CSMD3: variants seen among roughly 807,000 people sequenced by gnomAD.
CSMD3 encodes the protein CUB and Sushi multiple domains 3.
Under a neutral mutation model 435.2 loss-of-function variants are expected in CSMD3, and 177 were observed. The observed-to-expected ratio is 0.41, with a 90% confidence interval of 0.36 to 0.46. CSMD3 has a LOEUF of 0.46. Among genes scored for constraint, CSMD3 ranks in the 20% least tolerant of loss-of-function variants. CSMD3 has a pLI of 0.34. For missense variants in CSMD3, 4,265 were observed against 4,504.6 expected, an observed-to-expected ratio of 0.95 and a Z score of 1.52; for synonymous variants, 1,656 against 1,520.5, an observed-to-expected ratio of 1.09 and a Z score of -2.07.
intron 10 of CSMD3, among the ~76,000 whole-genome samples, chr8:112,897,059 C>T (rs1357875711): frequency 1.3e-5 from 2 of 151,366 alleles, no homozygotes; most frequent in African/African-American, 4.8e-5. Flanking sequence ...CTTTGCATAC[C>T]TTTTAGTCAT....
At chr8:112,252,525 A>G (rs894666993) in intron 63 of CSMD3, among the ~76,000 whole-genome samples, 7 of 151,810 alleles carry the variant, frequency 4.6e-5, no homozygotes, top group Non-Finnish European at 8.8e-5. Context: ...GTTACTTGCA[A>G]GCAATCGTTT....
intron 13 of CSMD3, among the ~76,000 whole-genome samples, chr8:112,707,485 G>C (rs915822863): frequency 6.6e-6 from 1 of 151,592 alleles, no homozygotes; most frequent in Non-Finnish European, 1.5e-5. Context: ...TGGTGCGGCG[G>C]GAGGGGGGTG....
intron 63 of CSMD3, among the ~76,000 whole-genome samples, chr8:112,250,982 T>G (rs2130209949): frequency 6.6e-6 from 1 of 151,874 alleles, no homozygotes; most frequent in African/African-American, 2.4e-5. Context: ...ATATAGCAAA[T>G]AATATAATAG....
At chr8:112,896,123 G>A (rs963337099) in intron 10 of CSMD3, among the ~76,000 whole-genome samples, 2 of 151,362 alleles carry the variant, frequency 1.3e-5, no homozygotes, top group African/African-American at 4.8e-5. Context: ...AATTTCCAAG[G>A]TGAAGTCATA....
chr8:112,805,623 T>G (rs2132355175), intron 12 of CSMD3, among the ~76,000 whole-genome samples: 1 of 152,324 alleles, frequency 6.6e-6, no homozygotes, highest in Non-Finnish European at 1.5e-5. Flanking sequence ...TATTGCTCCA[T>G]TCACGCCTTT....
At chr8:112,973,999 A>T (rs1370765034) in intron 7 of CSMD3, among the ~76,000 whole-genome samples, 1 of 151,910 alleles carries the variant, frequency 6.6e-6, no homozygotes, top group Admixed American at 6.6e-5. Context: ...GCACCACTGA[A>T]TGCATATTAA....
intron 17 of CSMD3, among the ~76,000 whole-genome samples, chr8:112,662,869 G>C (rs2075421301): frequency 6.6e-6 from 1 of 152,104 alleles, no homozygotes; most frequent in African/African-American, 2.4e-5. Flanking sequence ...AAAAGGATAT[G>C]AACAGACACT....
rs1341258222 is a variant in CSMD3 at position 112,744,515 on chromosome 8, G to A, written c.1973-54465C>T. 5.9e-5 allele frequency among the ~76,000 whole-genome samples: 9 copies of A among 151,826 alleles called. No individual in the cohort carries two copies. The East Asian group carries it at 1.4e-3, about 23-fold the overall frequency. The stretch of plus-strand genomic sequence containing the variant: ...ACTAATATAAAATACCTATTTTATA[G>A]ATTAAATGATTGTAATTATTTATAA... On this transcript the variant is annotated intron_variant, in intron 13 of 70. Coordinates refer to ENST00000297405, the MANE Select transcript of CSMD3 (RefSeq NM_198123.2).
At chr8:112,725,377 A>G (rs1382603936) in intron 13 of CSMD3, among the ~76,000 whole-genome samples, 1 of 151,760 alleles carries the variant, frequency 6.6e-6, no homozygotes, top group East Asian at 1.9e-4. Flanking sequence ...AAAAACAGGC[A>G]AAGATTTTGA....
intron 3 of CSMD3, among the ~76,000 whole-genome samples, chr8:113,229,328 T>A (rs886509278): frequency 6.6e-6 from 1 of 151,662 alleles, no homozygotes; most frequent in Non-Finnish European, 1.5e-5. Flanking sequence ...TGTTGGTTAC[T>A]TTTTAATGTT....
At chr8:112,861,682 T>A (rs1005298085) in intron 10 of CSMD3, among the ~76,000 whole-genome samples, 2 of 151,934 alleles carry the variant, frequency 1.3e-5, no homozygotes, top group African/African-American at 4.8e-5. Context: ...AGCACATTTA[T>A]ACAAGTGTTT....
At chr8:113,383,103 G>C (rs1242728502) in intron 1 of CSMD3, among the ~76,000 whole-genome samples, 2 of 152,168 alleles carry the variant, frequency 1.3e-5, no homozygotes, top group African/African-American at 2.4e-5. Flanking sequence ...TGAGGAGGAG[G>C]AATGGACACT....
At chr8:112,756,871 C>T (rs1388518740) in intron 13 of CSMD3, among the ~76,000 whole-genome samples, 2 of 151,386 alleles carry the variant, frequency 1.3e-5, no homozygotes, top group East Asian at 1.9e-4. Context: ...TGGGTTCAAG[C>T]GATTCTACTG....
At chr8:113,056,134 C>A (rs760645604) in intron 5 of CSMD3, among the ~76,000 whole-genome samples, 1 of 152,082 alleles carries the variant, frequency 6.6e-6, no homozygotes, top group African/African-American at 2.4e-5. Flanking sequence ...GGATGCACCC[C>A]CACTCTGATG....
At chr8:113,335,017 C>T (rs2097239215) in intron 1 of CSMD3, among the ~76,000 whole-genome samples, 1 of 151,980 alleles carries the variant, frequency 6.6e-6, no homozygotes, top group Non-Finnish European at 1.5e-5. Context: ...GTGATTGAAT[C>T]ATATGAGTGG....
At chr8:112,386,790 C>A in intron 36 of CSMD3, among the ~76,000 whole-genome samples, 1 of 152,164 alleles carries the variant, frequency 6.6e-6, no homozygotes, top group East Asian at 1.9e-4. Context: ...AGCCACCGCG[C>A]CCGGCCCAAC....
At chr8:112,281,978 T>C (rs964804746) in intron 58 of CSMD3, among the ~76,000 whole-genome samples, 5 of 152,114 alleles carry the variant, frequency 3.3e-5, no homozygotes, top group Non-Finnish European at 5.9e-5. Flanking sequence ...CGAATGTCTT[T>C]TTATGATTAA....
intron 13 of CSMD3, among the ~76,000 whole-genome samples, chr8:112,728,280 A>G (rs2077006478): frequency 6.6e-6 from 1 of 151,956 alleles, no homozygotes; most frequent in Non-Finnish European, 1.5e-5. Context: ...GAGGTAACAT[A>G]AAGTTCCAAA....
intron 2 of CSMD3, among the ~76,000 whole-genome samples, chr8:113,294,343 T>C (rs1355579012): frequency 6.6e-6 from 1 of 152,098 alleles, no homozygotes; most frequent in Non-Finnish European, 1.5e-5. Flanking sequence ...ACATTCAACA[T>C]ACATTATCTC....
Sources: allele counts gnomAD v4.1 joint callset (sites outside exome capture counted in the v4.1 genomes callset), GRCh38; gene constraint gnomAD v4.1.1; transcripts MANE v1.5; gene names NCBI Gene and HGNC (gene_info 2026-07-23, HGNC 2026-07-21).